WDPCP: variants seen among roughly 807,000 people sequenced by gnomAD.
WDPCP encodes the protein WD repeat containing planar cell polarity effector.
WDPCP carries 71 observed loss-of-function variants against 93.1 expected under a neutral mutation model. The observed-to-expected ratio is 0.76, with a 90% confidence interval of 0.63 to 0.93. WDPCP has a LOEUF of 0.93. WDPCP is among the 40% of genes least tolerant of loss of function. The pLI, the probability that WDPCP is intolerant of heterozygous loss-of-function variation, is 0.00. For missense variants in WDPCP, 844 were observed against 887.4 expected (o/e 0.95, Z 0.62); for synonymous variants, 315 against 315.0 (o/e 1.00, Z 0.00).
intron 2 of WDPCP, among the ~76,000 whole-genome samples, chr2:63,687,906 T>C (rs568604751): frequency 6.6e-6 from 1 of 152,254 alleles, no homozygotes; most frequent in Non-Finnish European, 1.5e-5. Flanking sequence ...TGCAGCACTA[T>C]TCACAATAGC....
At chr2:63,127,956 T>C (rs551317956) in intron 17 of WDPCP, among the ~76,000 whole-genome samples, 19 of 152,008 alleles carry the variant, frequency 1.2e-4, no homozygotes, top group African/African-American at 4.1e-4. Context: ...CTGGCCAACA[T>C]GGTGAAACCC....
intron 1 of WDPCP, among the ~76,000 whole-genome samples, chr2:63,506,456 A>AG (rs1701881187): frequency 6.6e-6 from 1 of 152,118 alleles, no homozygotes; most frequent in African/African-American, 2.4e-5. Flanking sequence ...AAAAAGGCAA[A>AG]GGAACTAGTG....
intron 15 of WDPCP, among the ~76,000 whole-genome samples, chr2:63,167,369 T>G (rs1405853703): frequency 6.6e-6 from 1 of 152,234 alleles, no homozygotes; most frequent in East Asian, 1.9e-4. Context: ...GAGTTACAAT[T>G]GTTCCCTTTT....
intron 2 of WDPCP, among the ~76,000 whole-genome samples, chr2:63,782,495 G>C (rs1670409491): frequency 6.6e-6 from 1 of 152,086 alleles, no homozygotes; most frequent in South Asian, 2.1e-4. Flanking sequence ...TGGGCAAAGT[G>C]GGCAAAGGCC....
intron 13 of WDPCP, among the ~76,000 whole-genome samples, chr2:63,281,183 C>T (rs866212522): frequency 2.0e-5 from 3 of 152,114 alleles, no homozygotes; most frequent in Middle Eastern, 3.4e-3. Flanking sequence ...CATGAATAGA[C>T]AATTCTCAAA....
chr2:63,704,227 T>C lies in WDPCP; in HGVS notation n.309-53389A>G, dbSNP rs557508784. On this transcript the variant is annotated intron_variant and non_coding_transcript_variant, in intron 2 of 4. Coordinates refer to the WDPCP transcript ENST00000467687. ...GAGATGATGGGGTTTTCTAGATATA[T>C]AATCATGTCATCTGCAAACAGGGAC... 6.8e-4 allele frequency among the ~76,000 whole-genome samples: 103 copies of C among 152,304 alleles called. 1 individual carries two copies. The highest frequency in any genetic ancestry group is 3.9e-3 in the Admixed American group (60 of 15,290).
chr2:63,182,782 T>A, intron 14 of WDPCP, among the ~76,000 whole-genome samples: 1 of 151,136 alleles, frequency 6.6e-6, no homozygotes, highest in African/African-American at 2.4e-5. Flanking sequence ...GACTTTTTTT[T>A]TTTTTTTTTT....
At chr2:63,698,136 AT>A (rs1277000250) in intron 2 of WDPCP, among the ~76,000 whole-genome samples, 1 of 151,092 alleles carries the variant, frequency 6.6e-6, no homozygotes, top group Non-Finnish European at 1.5e-5. Context: ...TTGTATTTTT[AT>A]TAGAGACGGG....
intron 15 of WDPCP, among the ~76,000 whole-genome samples, chr2:63,169,931 A>T: frequency 6.7e-6 from 1 of 149,956 alleles, no homozygotes; most frequent in African/African-American, 2.5e-5. Context: ...TCACTCTGCC[A>T]CCCAGGCTGG....
At chr2:63,530,328 G>A (rs762534101) in intron 1 of WDPCP, among the ~76,000 whole-genome samples, 3 of 152,120 alleles carry the variant, frequency 2.0e-5, no homozygotes, top group Admixed American at 2.0e-4. Context: ...GCTTTCTCTT[G>A]TGGGCATTTA....
chr2:63,397,091 G>T (rs1693793672), intron 10 of WDPCP, among the ~76,000 whole-genome samples: 1 of 152,130 alleles, frequency 6.6e-6, no homozygotes, highest in Non-Finnish European at 1.5e-5. Flanking sequence ...TGACAAGACT[G>T]GAAGGCAGAA....
chr2:63,653,991 A>T (rs1472396449), intron 2 of WDPCP, among the ~76,000 whole-genome samples: 1 of 152,144 alleles, frequency 6.6e-6, no homozygotes, highest in African/African-American at 2.4e-5. Flanking sequence ...GTTGATAGAA[A>T]CAGACCCAGA....
chr2:63,222,219 CT>C (rs901572326), intron 14 of WDPCP, among the ~76,000 whole-genome samples: 1 of 152,188 alleles, frequency 6.6e-6, no homozygotes, highest in Non-Finnish European at 1.5e-5. Flanking sequence ...ATTTTATGGA[CT>C]TAAGAACATC....
chr2:63,622,059 C>CTTTTT (rs1558868596), intron 3 of WDPCP: 3 of 543,858 alleles, frequency 5.5e-6, no homozygotes, highest in African/African-American at 6.4e-5. Flanking sequence ...AACATTCTTT[C>CTTTTT]TTTTTTCTTT....
intron 12 of WDPCP, among the ~76,000 whole-genome samples, chr2:63,332,999 C>T (rs1413065326): frequency 6.6e-6 from 1 of 152,132 alleles, no homozygotes; most frequent in African/African-American, 2.4e-5. Context: ...AGTTTCACCT[C>T]TTATATTTAG....
At chr2:63,543,026 G>C (rs2106315587) in intron 1 of WDPCP, among the ~76,000 whole-genome samples, 1 of 152,002 alleles carries the variant, frequency 6.6e-6, no homozygotes, top group South Asian at 2.1e-4. Flanking sequence ...AAAGGTGGTA[G>C]TTTTGAAGAG....
chr2:63,497,299 T>C (rs997602535), intron 1 of WDPCP, among the ~76,000 whole-genome samples: 1 of 151,948 alleles, frequency 6.6e-6, no homozygotes, highest in East Asian at 1.9e-4. Context: ...TTAGCAAGTA[T>C]TGGGTACATC....
intron 12 of WDPCP, among the ~76,000 whole-genome samples, chr2:63,341,190 G>A (rs1015797164): frequency 3.3e-5 from 5 of 152,120 alleles, no homozygotes; most frequent in Non-Finnish European, 7.3e-5. Flanking sequence ...GTGCAGTGGC[G>A]TGATCTCGGC....
chr2:63,213,623 C>T lies in WDPCP; in HGVS notation c.1916-38791G>A, dbSNP rs1456806655. 2.0e-5 allele frequency among the ~76,000 whole-genome samples: 3 copies of T among 152,058 alleles called. No homozygotes were observed. In the East Asian group the frequency reaches 5.8e-4, roughly 29 times the overall value. ...GCACAAGGCAAGAAATAACTAAGAA[C>T]AGAACAGAACTGAAGGAGACAGAGA... is the stretch of plus-strand genomic sequence containing the variant. On this transcript the variant is annotated intron_variant, in intron 14 of 17. Coordinates refer to ENST00000272321, the MANE Select transcript of WDPCP (RefSeq NM_015910.7).
Sources: allele counts gnomAD v4.1 joint callset (sites outside exome capture counted in the v4.1 genomes callset), GRCh38; gene constraint gnomAD v4.1.1; transcripts MANE v1.5; gene names NCBI Gene and HGNC (gene_info 2026-07-23, HGNC 2026-07-21).